Variants in ANKMY1 observed in about 807,000 individuals in gnomAD.
ANKMY1 encodes the protein ankyrin repeat and MYND domain-containing protein 1.
In ANKMY1, 98 loss-of-function variants were observed where a neutral mutation model predicts 102.0. That is an observed-to-expected ratio of 0.96 (90% CI 0.82 to 1.14). ANKMY1 has a LOEUF of 1.14. Among genes scored for constraint, ANKMY1 ranks in the 50% most tolerant of loss-of-function variants. ANKMY1 has a pLI of 0.00. For missense variants in ANKMY1, 1,330 were observed against 1,347.6 expected (o/e 0.99, Z 0.20); for synonymous variants, 582 against 559.9 (o/e 1.04, Z -0.56).
intron 4 of ANKMY1, among the ~76,000 whole-genome samples, chr2:240,550,381 G>A (rs1165832320): frequency 9.2e-6 from 1 of 108,932 alleles, no homozygotes; most frequent in African/African-American, 3.5e-5. Context: ...GGGGAGGGGG[G>A]AGGGATAGCA....
chr2:240,551,513 T>TAGGAAAA (rs2091520670), intron 4 of ANKMY1, among the ~76,000 whole-genome samples: 2 of 152,202 alleles, frequency 1.3e-5, no homozygotes, highest in African/African-American at 4.8e-5. Context: ...CGAACCACAG[T>TAGGAAAA]TCTTGCTGTG....
At chr2:240,469,813 C>T in the ANKMY1 span, among the ~76,000 whole-genome samples, 1 of 152,204 alleles carries the variant, frequency 6.6e-6, no homozygotes, top group African/African-American at 2.4e-5. Flanking sequence ...TACACATGTA[C>T]ACACATGCAC....
chr2:240,497,696 C>A (rs147650095), intron 15 of ANKMY1, among the ~76,000 whole-genome samples: 3 of 152,290 alleles, frequency 2.0e-5, no homozygotes, highest in East Asian at 3.9e-4. Flanking sequence ...CTTCCAAATG[C>A]CTCTCAACAT....
At chr2:240,560,427 C>T (rs2092866589), upstream of ANKMY1, 4 of 381,198 alleles carry the variant, frequency 1.0e-5, no homozygotes, top group Middle Eastern at 1.4e-3. Context: ...GAACATGGGA[C>T]GCAGAGCGGT....
intron 15 of ANKMY1, among the ~76,000 whole-genome samples, chr2:240,491,008 C>T (rs1321497207): frequency 6.6e-6 from 1 of 151,378 alleles, no homozygotes; most frequent in Non-Finnish European, 1.5e-5. Context: ...AATCTGGGTG[C>T]TCCAGTGTTG....
chr2:240,478,847 C>G (rs1574836863), downstream of ANKMY1, among the ~76,000 whole-genome samples: 1 of 152,146 alleles, frequency 6.6e-6, no homozygotes, highest in East Asian at 1.9e-4. Flanking sequence ...ACACTCCCAG[C>G]TATTCTGCCC....
At chr2:240,545,617 C>G (rs370608821) in intron 4 of ANKMY1, among the ~76,000 whole-genome samples, 2 of 151,620 alleles carry the variant, frequency 1.3e-5, no homozygotes, top group South Asian at 2.1e-4. Flanking sequence ...TTTGAAAAAA[C>G]TTTAGAAGAA....
rs571636563 is a variant in ANKMY1 at position 240,511,901 on chromosome 2, G to A, written c.2246C>T (p.Thr749Met). The change falls in exon 11 of 18, where the codon ACG becomes ATG. Residue 749 changes from threonine to methionine, a missense_variant. By Grantham distance (81) the Thr-to-Met change is moderately conservative (BLOSUM62 -1). Transcript: ENST00000401804. ...CCGCTCGCAGGCCATGTGCAGAGCC[G>A]TCCTGCCCCCCTCCTCCGGGAGGGC... Reference protein sequence around the residue: ...DTALPEEGGRTALHMACERED... With the variant: ...DTALPEEGGRMALHMACERED... 2.9e-4 allele frequency: 456 copies of A among 1,587,576 alleles called. 5 individuals carry two copies. The South Asian group carries it at 4.3e-3, about 15-fold the overall frequency.
chr2:240,500,397 G>T, intron 14 of ANKMY1, 55 bp downstream of exon 14: 1 of 1,525,712 alleles, frequency 6.6e-7, no homozygotes, highest in Non-Finnish European at 9.0e-7. Flanking sequence ...CCAGCCGGGG[G>T]CCCTGCACGT....
At chr2:240,526,916 C>A in intron 5 of ANKMY1, 3 of 1,114,032 alleles carry the variant, frequency 2.7e-6, no homozygotes, top group Non-Finnish European at 3.3e-6. Flanking sequence ...ACTGATGCCT[C>A]CTGGTGTGTA....
chr2:240,544,648 C>A (rs551710478), intron 4 of ANKMY1, among the ~76,000 whole-genome samples: 1 of 152,180 alleles, frequency 6.6e-6, no homozygotes, highest in African/African-American at 2.4e-5. Context: ...TCAGTGGGTG[C>A]GCGCACTGTG....
chr2:240,509,864 AG>A (rs2079800538), intron 11 of ANKMY1, among the ~76,000 whole-genome samples: 1 of 151,942 alleles, frequency 6.6e-6, no homozygotes, highest in African/African-American at 2.4e-5. Flanking sequence ...GGACGGCCTG[AG>A]TGTAAAGAGC....
intron 15 of ANKMY1, among the ~76,000 whole-genome samples, chr2:240,495,297 C>T (rs957390633): frequency 6.6e-6 from 1 of 152,282 alleles, no homozygotes; most frequent in South Asian, 2.1e-4. Context: ...GACTCTACTC[C>T]ACCACCTCTT....
intron 15 of ANKMY1, among the ~76,000 whole-genome samples, chr2:240,482,946 C>T (rs2075595669): frequency 6.6e-6 from 1 of 152,064 alleles, no homozygotes; most frequent in South Asian, 2.1e-4. Context: ...TGGCTTTTTG[C>T]TTCATGTATT....
In ANKMY1 at chr2:240,526,318, G is replaced by A; in HGVS notation, c.1081C>T (p.His361Tyr). The A allele has an allele frequency of 6.2e-7, 1 of 1,614,206 alleles. No homozygotes were observed. The highest frequency in any genetic ancestry group is 8.5e-7 in the Non-Finnish European group (1 of 1,180,034). ...EMILKAEEGN[H>Y]EWICRILKDN... ...TTCAGGATCCTACAAATCCATTCGTGGTTCCCTTCCTCAGCCTTTAGGATC... is the reference window on the plus strand; with the variant it reads ...TTCAGGATCCTACAAATCCATTCGTAGTTCCCTTCCTCAGCCTTTAGGATC... The change falls in exon 6 of 18, where the codon CAC (histidine) becomes TAC (tyrosine). Residue 361 changes from histidine to tyrosine, a missense_variant. Transcript: ENST00000401804.
intron 15 of ANKMY1, among the ~76,000 whole-genome samples, chr2:240,493,244 T>C (rs573515220): frequency 6.6e-6 from 1 of 152,244 alleles, no homozygotes; most frequent in South Asian, 2.1e-4. Flanking sequence ...GGAGAATCAT[T>C]TGAACCCAGG....
intron 9 of ANKMY1, among the ~76,000 whole-genome samples, chr2:240,514,271 G>A (rs978976928): frequency 1.8e-4 from 28 of 152,190 alleles, no homozygotes; most frequent in African/African-American, 5.8e-4. Context: ...GGGTTCTAAC[G>A]TCTCTCAGGT....
intron 15 of ANKMY1, among the ~76,000 whole-genome samples, chr2:240,497,253 A>T (rs530598344): frequency 6.6e-6 from 1 of 152,254 alleles, no homozygotes; most frequent in Admixed American, 6.5e-5. Flanking sequence ...CCCATCTTGG[A>T]AGCTGAGCAT....
chr2:240,476,953 A>G (rs2074895461), downstream of ANKMY1, among the ~76,000 whole-genome samples: 1 of 152,238 alleles, frequency 6.6e-6, no homozygotes, highest in Non-Finnish European at 1.5e-5. Flanking sequence ...ATTTGCACAC[A>G]AGGCATAGGA....
Sources: allele counts gnomAD v4.1 joint callset (sites outside exome capture counted in the v4.1 genomes callset), GRCh38; gene constraint gnomAD v4.1.1; transcripts MANE v1.5; gene names NCBI Gene and HGNC (gene_info 2026-07-23, HGNC 2026-07-21).